The following AGBL1 variants were observed in gnomAD, a reference collection of about 807,000 sequenced individuals.
The protein encoded by AGBL1 is cytosolic carboxypeptidase 4.
Under a neutral mutation model 118.9 loss-of-function variants are expected in AGBL1, and 130 were observed. The ratio of observed to expected loss-of-function variants is 1.09; its 90% CI spans 0.95 to 1.26. The LOEUF is 1.26. Among genes scored for constraint, AGBL1 ranks in the 50% most tolerant of loss-of-function variants. The pLI, the probability that AGBL1 is intolerant of heterozygous loss-of-function variation, is 0.00. For synonymous variants in AGBL1, 555 were observed against 478.9 expected (o/e 1.16, Z -2.08); for missense variants, 1,584 against 1,298.1 (o/e 1.22, Z -3.38).
At chr15:86,817,823 A>G (rs2078887185) in intron 22 of AGBL1, among the ~76,000 whole-genome samples, 2 of 152,202 alleles carry the variant, frequency 1.3e-5, no homozygotes, top group African/African-American at 4.8e-5. Context: ...TCAAGATCTT[A>G]GTTAAGATGA....
intron 19 of AGBL1, 139 bp downstream of exon 19, chr15:86,523,078 C>T: frequency 9.8e-7 from 1 of 1,015,442 alleles, no homozygotes; most frequent in Admixed American, 2.1e-5. Flanking sequence ...ATGCATGGTG[C>T]ATTGACTTCC....
chr15:86,762,923 C>T (rs990734669), intron 22 of AGBL1, among the ~76,000 whole-genome samples: 4 of 151,764 alleles, frequency 2.6e-5, no homozygotes, highest in African/African-American at 7.3e-5. Flanking sequence ...TGCTTTGCCT[C>T]GGGTGGGTAG....
At chr15:86,777,670 C>T (rs980811495) in intron 22 of AGBL1, among the ~76,000 whole-genome samples, 10 of 152,094 alleles carry the variant, frequency 6.6e-5, no homozygotes, top group African/African-American at 2.4e-4. Flanking sequence ...ATTTTACATT[C>T]AGGCCAAACA....
intron 21 of AGBL1, among the ~76,000 whole-genome samples, chr15:86,660,347 A>G (rs1596345593): frequency 6.6e-6 from 1 of 152,132 alleles, no homozygotes; most frequent in East Asian, 1.9e-4. Flanking sequence ...TTTATAAACA[A>G]ACATACAAAT....
At chr15:86,683,918 C>G (rs1452305828) in intron 22 of AGBL1, among the ~76,000 whole-genome samples, 3 of 152,186 alleles carry the variant, frequency 2.0e-5, no homozygotes, top group Non-Finnish European at 2.9e-5. Context: ...ACCGCTTTCT[C>G]TTCTTTCTAT....
chr15:86,656,409 T>C (rs1011018886), intron 21 of AGBL1, among the ~76,000 whole-genome samples: 6 of 152,132 alleles, frequency 3.9e-5, no homozygotes, highest in African/African-American at 1.4e-4. Flanking sequence ...GCCTGCATTA[T>C]GTAGGAAAAC....
intron 5 of AGBL1, among the ~76,000 whole-genome samples, chr15:86,172,009 GAA>G (rs983016491): frequency 3.9e-5 from 6 of 152,208 alleles, no homozygotes; most frequent in African/African-American, 1.4e-4. Context: ...AAAGTCATAA[GAA>G]TGTTAAAATG....
intron 17 of AGBL1, among the ~76,000 whole-genome samples, chr15:86,334,737 T>C (rs1385993486): frequency 6.6e-6 from 1 of 151,382 alleles, no homozygotes; most frequent in African/African-American, 2.4e-5. Flanking sequence ...AACCTGGAGG[T>C]ATCACATTAC....
intron 22 of AGBL1, among the ~76,000 whole-genome samples, chr15:86,858,308 G>A (rs28699318): frequency 6.6e-6 from 1 of 152,202 alleles, no homozygotes; most frequent in African/African-American, 2.4e-5. Flanking sequence ...CTAAAACTCA[G>A]TGTCATGGGG....
At chr15:86,656,875 T>C (rs1018451593) in intron 21 of AGBL1, among the ~76,000 whole-genome samples, 3 of 152,174 alleles carry the variant, frequency 2.0e-5, no homozygotes, top group Admixed American at 1.3e-4. Flanking sequence ...ACATCTCCAC[T>C]GGAGGTTTGA....
chr15:86,400,492 T>G (rs1342078444), intron 18 of AGBL1, among the ~76,000 whole-genome samples: 1 of 136,150 alleles, frequency 7.3e-6, no homozygotes, highest in Non-Finnish European at 1.7e-5. Context: ...GGGAACAGGT[T>G]TTTTTTTTTT....
chr15:86,933,341 G>T (rs1278363825), intron 23 of AGBL1, among the ~76,000 whole-genome samples: 1 of 152,114 alleles, frequency 6.6e-6, no homozygotes, highest in Non-Finnish European at 1.5e-5. Flanking sequence ...TTGTTTGGGG[G>T]ATGAAACCAA....
At chr15:86,735,851 C>T (rs1404268976) in intron 22 of AGBL1, among the ~76,000 whole-genome samples, 3 of 152,094 alleles carry the variant, frequency 2.0e-5, no homozygotes, top group Admixed American at 6.6e-5. Context: ...GCAGGGGTGC[C>T]GTACCTCACA....
At chr15:86,824,719 T>C (rs1046014418) in intron 22 of AGBL1, among the ~76,000 whole-genome samples, 1 of 152,224 alleles carries the variant, frequency 6.6e-6, no homozygotes, top group East Asian at 1.9e-4. Flanking sequence ...CAGCATGATA[T>C]TGGCAGGGGA....
chr15:86,101,613 T>C (rs1409886338), intron 1 of AGBL1, among the ~76,000 whole-genome samples: 2 of 152,120 alleles, frequency 1.3e-5, no homozygotes, highest in East Asian at 3.8e-4. Flanking sequence ...TCCTTTATCA[T>C]TGTGTAATGA....
chr15:86,786,169 A>G (rs2078410013), intron 22 of AGBL1, among the ~76,000 whole-genome samples: 1 of 152,016 alleles, frequency 6.6e-6, no homozygotes, highest in African/African-American at 2.4e-5. Flanking sequence ...GGTTAGTTAG[A>G]TATGTATACA....
In AGBL1 at chr15:86,397,362, G is replaced by T; in HGVS notation, c.2375-4G>T. 3 of 1,494,270 alleles carry T rather than the reference G, an allele frequency of 2.0e-6. No homozygotes were observed. Among genetic ancestry groups the T allele is most frequent in the Non-Finnish European group, 2.7e-6 (3 of 1,110,542 alleles). 92.6% of individuals were successfully genotyped at this position (1,494,270 alleles called of 1,614,324 possible). On this transcript the variant is annotated splice_polypyrimidine_tract_variant and splice_region_variant and intron_variant, in intron 17 of 22. Transcript: ENST00000614907. The stretch of plus-strand genomic sequence containing the variant: ...TTAATTTTCTTATGTCCCTTTTTCT[G>T]CAGGACATCGTCCATATCAGGTGAT...
At position 86,595,157 on chromosome 15, in the gene AGBL1, C is replaced by A. The variant is rs570898149; in HGVS notation, c.2994+40620C>A. Among the ~76,000 whole-genome samples, 22 of 152,296 alleles carry A rather than the reference C, an allele frequency of 1.4e-4. No homozygotes were observed. The East Asian group carries it at 4.1e-3, about 28-fold the overall frequency. ...GTGAAGCTCTGTTCTTGGTCATCTT[C>A]TCCTCTCTCTATAACCTTAATCCCT... On this transcript the variant is annotated intron_variant, in intron 21 of 22. Transcript: ENST00000614907.
chr15:86,278,400 G>T (rs1289907906), intron 15 of AGBL1, among the ~76,000 whole-genome samples: 1 of 152,158 alleles, frequency 6.6e-6, no homozygotes, highest in Admixed American at 6.5e-5. Context: ...TCAGGCCATA[G>T]TCAGTGGGCT....
Sources: allele counts gnomAD v4.1 joint callset (sites outside exome capture counted in the v4.1 genomes callset), GRCh38; gene constraint gnomAD v4.1.1; transcripts MANE v1.5; gene names NCBI Gene and HGNC (gene_info 2026-07-23, HGNC 2026-07-21).